Variants in OPN5 observed in about 807,000 individuals in gnomAD.
OPN5 encodes opsin 5, also known as opsin-5.
A neutral mutation model predicts 41.7 loss-of-function variants in OPN5; 18 were observed. That is an observed-to-expected ratio of 0.43 (90% CI 0.30 to 0.64). The LOEUF is 0.64. Among genes scored for constraint, OPN5 ranks in the 30% least tolerant of loss-of-function variants. The pLI, the probability that OPN5 is intolerant of heterozygous loss-of-function variation, is 0.13. For missense variants in OPN5, 318 were observed against 434.5 expected (o/e 0.73, Z 2.38); for synonymous variants, 178 against 164.3 (o/e 1.08, Z -0.64).
At chr6:47,819,791 G>A (rs1044744783) in intron 6 of OPN5, among the ~76,000 whole-genome samples, 9 of 152,084 alleles carry the variant, frequency 5.9e-5, no homozygotes, top group African/African-American at 1.7e-4. Flanking sequence ...AGCTCATTCT[G>A]TATTGATTGC....
At chr6:47,797,064 C>A (rs187516822) in intron 4 of OPN5, among the ~76,000 whole-genome samples, 102 of 152,208 alleles carry the variant, frequency 6.7e-4, no homozygotes, top group African/African-American at 2.2e-3. Flanking sequence ...ATGAGAAAGT[C>A]CTGCCCCCAT....
At chr6:47,794,921 TCA>T in intron 3 of OPN5, 1 of 273,360 alleles carries the variant, frequency 3.7e-6, no homozygotes, top group Non-Finnish European at 6.9e-6. Context: ...AGATGTTTTC[TCA>T]AGGGCCTCCA....
chr6:47,788,099 G>A (rs376775188), intron 2 of OPN5, among the ~76,000 whole-genome samples: 17 of 152,318 alleles, frequency 1.1e-4, no homozygotes, highest in African/African-American at 3.4e-4. Context: ...CATTATGAAC[G>A]CTTATGGTGA....
chr6:47,802,261 T>C (rs1273699698), intron 4 of OPN5, among the ~76,000 whole-genome samples: 1 of 151,766 alleles, frequency 6.6e-6, no homozygotes, highest in Non-Finnish European at 1.5e-5. Context: ...GCAGCAGGAG[T>C]TTCTGCATCA....
intron 4 of OPN5, among the ~76,000 whole-genome samples, chr6:47,804,691 C>A (rs182246927): frequency 5.3e-5 from 8 of 152,232 alleles, no homozygotes; most frequent in African/African-American, 1.7e-4. Flanking sequence ...TTAGATCTAG[C>A]CTTTTATCCC....
intron 3 of OPN5, among the ~76,000 whole-genome samples, chr6:47,794,492 A>G (rs1581734084): frequency 6.6e-6 from 1 of 152,254 alleles, no homozygotes; most frequent in Non-Finnish European, 1.5e-5. Flanking sequence ...TGACTGCACT[A>G]TTTCCTCCGC....
chr6:47,822,796 G>A (rs373201117), intron 6 of OPN5, among the ~76,000 whole-genome samples: 35 of 152,168 alleles, frequency 2.3e-4, no homozygotes, highest in South Asian at 8.3e-4. Flanking sequence ...TTTTTATACC[G>A]TGAAAAAATG....
chr6:47,822,350 C>T (rs1762653790), intron 6 of OPN5, among the ~76,000 whole-genome samples: 1 of 151,924 alleles, frequency 6.6e-6, no homozygotes, highest in Non-Finnish European at 1.5e-5. Context: ...TGGATGGTGG[C>T]TAGCAGGAAG....
At chr6:47,809,538 T>C (rs1427134562) in intron 5 of OPN5, among the ~76,000 whole-genome samples, 2 of 152,246 alleles carry the variant, frequency 1.3e-5, no homozygotes, top group Non-Finnish European at 1.5e-5. Context: ...CAGTATTTAA[T>C]GTTCAGTTGT....
chr6:47,800,178 A>G, intron 4 of OPN5, among the ~76,000 whole-genome samples: 1 of 152,354 alleles, frequency 6.6e-6, no homozygotes, highest in East Asian at 1.9e-4. Context: ...AAGAAAGACC[A>G]TGGCATTACA....
intron 3 of OPN5, among the ~76,000 whole-genome samples, chr6:47,793,022 A>G (rs73471934): frequency 0.15 from 21,970 of 149,740 alleles, 1,733 homozygotes; most frequent in Middle Eastern, 0.17. Flanking sequence ...TCCTTTTTTA[A>G]ACATTTAAAA....
At chr6:47,784,303 C>T (rs1213762099) in intron 1 of OPN5, among the ~76,000 whole-genome samples, 1 of 148,286 alleles carries the variant, frequency 6.7e-6, no homozygotes, top group African/African-American at 2.5e-5. Flanking sequence ...TGCAAGATTC[C>T]TTTTTTTTTT....
intron 4 of OPN5, among the ~76,000 whole-genome samples, chr6:47,800,776 A>G (rs1050340817): frequency 6.6e-5 from 10 of 152,190 alleles, no homozygotes; most frequent in Admixed American, 2.0e-4. Context: ...GGGTGTTAGA[A>G]CAGCTCAGTT....
At chr6:47,822,504 T>G (rs1203185122) in intron 6 of OPN5, among the ~76,000 whole-genome samples, 2 of 152,212 alleles carry the variant, frequency 1.3e-5, no homozygotes, top group East Asian at 3.8e-4. Flanking sequence ...AATTTCCCAA[T>G]TTTTACGCTG....
chr6:47,811,684 G>T, exon 6 of OPN5: 1 of 1,611,550 alleles, frequency 6.2e-7, no homozygotes, highest in Non-Finnish European at 8.5e-7. Flanking sequence ...GCTGCACACC[G>T]TAACCACAGT....
At chr6:47,800,279 G>C (rs1231279351) in intron 4 of OPN5, among the ~76,000 whole-genome samples, 1 of 152,178 alleles carries the variant, frequency 6.6e-6, no homozygotes, top group African/African-American at 2.4e-5. Flanking sequence ...TGTAAGTGAG[G>C]GGTATCTCAA....
At chr6:47,825,309 G>A (rs1762759999), downstream of OPN5, 1 of 152,126 alleles carries the variant, frequency 6.6e-6, no homozygotes, top group South Asian at 2.1e-4. Context: ...AAAGTAGTGA[G>A]GTATGGTTAA....
intron 6 of OPN5, among the ~76,000 whole-genome samples, chr6:47,815,118 A>G (rs896447674): frequency 7.2e-5 from 11 of 152,156 alleles, no homozygotes; most frequent in Non-Finnish European, 1.3e-4. Context: ...ATTATCATAA[A>G]GTCTAAATAT....
At chr6:47,822,557 G>A (rs749977525) in intron 6 of OPN5, among the ~76,000 whole-genome samples, 11 of 152,154 alleles carry the variant, frequency 7.2e-5, no homozygotes, top group Non-Finnish European at 1.6e-4. Flanking sequence ...GCCCAGTTTA[G>A]TTCCATAGAA....
Sources: allele counts gnomAD v4.1 joint callset (sites outside exome capture counted in the v4.1 genomes callset), GRCh38; gene constraint gnomAD v4.1.1; transcripts MANE v1.5; gene names NCBI Gene and HGNC (gene_info 2026-07-23, HGNC 2026-07-21).